POLR2D: variants seen among roughly 807,000 people sequenced by gnomAD.
POLR2D encodes the protein DNA-directed RNA polymerase II subunit RPB4.
A neutral mutation model predicts 17.6 loss-of-function variants in POLR2D; 10 were observed. The observed-to-expected ratio is 0.57, with a 90% CI of 0.35 to 0.96. The LOEUF is 0.96. Ranked by LOEUF, POLR2D falls within the 40% of genes least tolerant of loss-of-function variation. The probability of loss-of-function intolerance (pLI) is 0.02; values close to 1 mark genes in which losing one functional copy is unlikely to be tolerated. For synonymous variants in POLR2D, 52 were observed against 60.2 expected, an observed-to-expected ratio of 0.86 and a Z score of 0.63; for missense variants, 126 against 176.4, an observed-to-expected ratio of 0.71 and a Z score of 1.62.
rs1012401448 is a variant in POLR2D, at chr2:127,848,053, G to C, written c.*54C>G. On this transcript the variant is annotated 3_prime_UTR_variant, in exon 4 of 4. Coordinates refer to ENST00000272645, the MANE Select transcript of POLR2D (RefSeq NM_004805.4). The stretch of plus-strand genomic sequence containing the variant: ...GCAAGTCAGCCCCAGACAGTGGGAA[G>C]GTGGTGTTATGCCTGGGGATGTGGT... The C allele has an allele frequency of 8.9e-7, 1 of 1,128,022 alleles. No homozygotes were observed. The highest frequency in any genetic ancestry group is 1.4e-6 in the Non-Finnish European group (1 of 736,184). The allele number at this position is 1,128,022 out of a possible 1,614,324, so 69.9% of individuals were successfully genotyped here.
chr2:127,857,797 C>G, intron 1 of POLR2D: 1 of 1,305,046 alleles, frequency 7.7e-7, no homozygotes, highest in Non-Finnish European at 9.7e-7. Context: ...TTATCTTTGA[C>G]ACAGGTCCCC....
rs61249327 is a variant in POLR2D at position 127,856,290 on chromosome 2, C to CAAAAAAAAAAAAAAAAAAAAAAAAA, written c.73+1737_73+1738insTTTTTTTTTTTTTTTTTTTTTTTTT. Among the ~76,000 whole-genome samples, 80 of 25,396 alleles carry CAAAAAAAAAAAAAAAAAAAAAAAAA rather than the reference C, an allele frequency of 3.2e-3. 24 individuals carry two copies. Among genetic ancestry groups the CAAAAAAAAAAAAAAAAAAAAAAAAA allele is most frequent in the East Asian group, 0.012 (6 of 512 alleles). The allele number at this position is 25,396 out of a possible 152,430, so 16.7% of individuals were successfully genotyped here. A position where few individuals can be genotyped will look rare whatever the true frequency, so the allele number is the denominator to read the frequency against. ...TAGGTAGCAGAATGAGATCCCGTCT[C>CAAAAAAAAAAAAAAAAAAAAAAAAA]AAAAAAAAAAAAAAAAAAAGGCAGG... On this transcript the variant is annotated intron_variant, in intron 1 of 3. Coordinates refer to ENST00000272645, the MANE Select transcript of POLR2D (RefSeq NM_004805.4).
At chr2:127,853,226 C>A in intron 1 of POLR2D, 121 bp from the exon 2 acceptor site, 1 of 766,818 alleles carries the variant, frequency 1.3e-6, no homozygotes, top group Non-Finnish European at 2.1e-6. Flanking sequence ...TCCTACTCCA[C>A]ATCTGCTTTT....
At chr2:127,857,341 A>T (rs1343475581) in intron 1 of POLR2D, among the ~76,000 whole-genome samples, 1 of 152,204 alleles carries the variant, frequency 6.6e-6, no homozygotes, top group East Asian at 1.9e-4. Flanking sequence ...ATAAATCAAT[A>T]AAGTGTAAGA....
intron 2 of POLR2D, 131 bp from the exon 3 acceptor site, chr2:127,850,816 G>A (rs1362560244): frequency 8.3e-6 from 5 of 599,814 alleles, no homozygotes; most frequent in Non-Finnish European, 1.5e-5. Context: ...GCCAGGTGTA[G>A]TGGCTCACAC....
intron 1 of POLR2D, among the ~76,000 whole-genome samples, chr2:127,854,916 C>T (rs1040672103): frequency 1.4e-5 from 2 of 143,858 alleles, no homozygotes; most frequent in Admixed American, 7.5e-5. Context: ...TACTGCCTCA[C>T]AGCAATGAGT....
chr2:127,858,014 G>T lies in POLR2D; in HGVS notation c.73+14C>A. On this transcript the variant is annotated intron_variant, in intron 1 of 3. Transcript: ENST00000272645. ...CGAAGTGGCGCGGGGGAGTCTGGCAGCCCCGAGCCCAACCTTTAGGAAAGA... is the reference window on the plus strand; with the variant it reads ...CGAAGTGGCGCGGGGGAGTCTGGCATCCCCGAGCCCAACCTTTAGGAAAGA... 1 of 1,577,604 alleles carries T rather than the reference G, an allele frequency of 6.3e-7. No homozygotes were observed. Among genetic ancestry groups the T allele is most frequent in the Non-Finnish European group, 8.6e-7 (1 of 1,164,638 alleles).
intron 1 of POLR2D, among the ~76,000 whole-genome samples, chr2:127,853,803 T>A (rs1690287211): frequency 6.6e-6 from 1 of 152,060 alleles, no homozygotes; most frequent in Non-Finnish European, 1.5e-5. Flanking sequence ...CTACTCCACA[T>A]CTTTAAGTTC....
rs397871322 is a variant in POLR2D at position 127,845,373 on chromosome 2, C to CTTTTTTTTTTTTT, written c.*2721_*2733dup. ...CTGTAGATTTGGGTAAGCAATTTCA[C>CTTTTTTTTTTTTT]TTTTTTTTTTTTTTTTTTTTTGAGA... On this transcript the variant is annotated 3_prime_UTR_variant, in exon 4 of 4. Transcript: ENST00000272645. 5 of 113,618 alleles carry CTTTTTTTTTTTTT rather than the reference C, an allele frequency of 4.4e-5. No individual in the cohort carries two copies. The highest frequency in any genetic ancestry group is 9.6e-5 in the Admixed American group (1 of 10,396). 7.0% of individuals were successfully genotyped at this position (113,618 alleles called of 1,614,324 possible).
At position 127,845,013 on chromosome 2, in the gene POLR2D, A is replaced by C. The variant is rs1690127618; in HGVS notation, c.*3094T>G. 6.6e-6 allele frequency: 1 copy of C among 152,098 alleles called. No individual in the cohort carries two copies. Among genetic ancestry groups the C allele is most frequent in the African/African-American group, 2.4e-5 (1 of 41,398 alleles). 9.4% of individuals were successfully genotyped at this position (152,098 alleles called of 1,614,324 possible). ...TGATAAATACCACTGATTAGTGCCTAACTATGTGCCAGAGCATTATATACT... is the reference window on the plus strand; with the variant it reads ...TGATAAATACCACTGATTAGTGCCTCACTATGTGCCAGAGCATTATATACT... On this transcript the variant is annotated 3_prime_UTR_variant, in exon 4 of 4. Coordinates refer to ENST00000272645, the MANE Select transcript of POLR2D (RefSeq NM_004805.4).
intron 1 of POLR2D, among the ~76,000 whole-genome samples, chr2:127,857,385 G>A (rs1183432326): frequency 1.3e-5 from 2 of 152,162 alleles, no homozygotes; most frequent in African/African-American, 4.8e-5. Context: ...TTGAGCTGAA[G>A]ACCTCATCCC....
chr2:127,850,523 A>G (rs1573518412), intron 3 of POLR2D, 67 bp downstream of exon 3: 1 of 685,170 alleles, frequency 1.5e-6, no homozygotes, highest in Non-Finnish European at 2.6e-6. Flanking sequence ...TACACATTTT[A>G]GACACACCAA....
Position 127,857,101 on chromosome 2 carries a change from C to A in POLR2D, c.73+927G>T, listed in dbSNP as rs539497518. 16 of 152,148 alleles carry A rather than the reference C, an allele frequency of 1.1e-4. 1 individual carries two copies. The highest frequency in any genetic ancestry group is 3.9e-4 in the African/African-American group (16 of 41,486). 9.4% of individuals were successfully genotyped at this position (152,148 alleles called of 1,614,324 possible). On this transcript the variant is annotated intron_variant, in intron 1 of 3. Coordinates refer to ENST00000272645, the MANE Select transcript of POLR2D (RefSeq NM_004805.4). Reference sequence around the variant, plus strand: ...GTCAGGTGCCGTGATTAACTTAAGCCCAGGAGTTTGAGACCAGCCTGGGCG... The same window carrying A: ...GTCAGGTGCCGTGATTAACTTAAGCACAGGAGTTTGAGACCAGCCTGGGCG...
At chr2:127,850,914 C>T (rs1251912988) in intron 2 of POLR2D, among the ~76,000 whole-genome samples, 6 of 152,036 alleles carry the variant, frequency 3.9e-5, no homozygotes, top group Non-Finnish European at 5.9e-5. Flanking sequence ...GGCGAAACCC[C>T]GTCTCTACTA....
At chr2:127,848,230 T>A (rs2104721537) in intron 3 of POLR2D, 45 bp from the exon 4 acceptor site, 1 of 1,241,826 alleles carries the variant, frequency 8.1e-7, no homozygotes, top group Middle Eastern at 1.9e-4. Flanking sequence ...GACTGGCAAT[T>A]TCCCCGCACT....
At chr2:127,849,431 C>T (rs1244925442) in intron 3 of POLR2D, among the ~76,000 whole-genome samples, 1 of 152,166 alleles carries the variant, frequency 6.6e-6, no homozygotes, top group African/African-American at 2.4e-5. Flanking sequence ...AACCACCATC[C>T]TCAATTTAGT....
At chr2:127,848,603 GC>G (rs1690192780) in intron 3 of POLR2D, among the ~76,000 whole-genome samples, 1 of 151,564 alleles carries the variant, frequency 6.6e-6, no homozygotes, top group Non-Finnish European at 1.5e-5. Flanking sequence ...TGCAAGCTCC[GC>G]CTTCCGGATT....
chr2:127,850,990 G>A (rs1323936900), intron 2 of POLR2D, among the ~76,000 whole-genome samples: 1 of 152,184 alleles, frequency 6.6e-6, no homozygotes, highest in Non-Finnish European at 1.5e-5. Flanking sequence ...GGAGGCCGAG[G>A]CGGGTGGATC....
chr2:127,851,374 G>A (rs967431174), intron 2 of POLR2D, among the ~76,000 whole-genome samples: 6 of 152,054 alleles, frequency 3.9e-5, no homozygotes, highest in African/African-American at 1.4e-4. Flanking sequence ...AGCCAAGACC[G>A]CACCACTACA....
Sources: allele counts gnomAD v4.1 joint callset (sites outside exome capture counted in the v4.1 genomes callset), GRCh38; gene constraint gnomAD v4.1.1; transcripts MANE v1.5; gene names NCBI Gene and HGNC (gene_info 2026-07-23, HGNC 2026-07-21).